Variants in PRKAR2B observed in about 807,000 individuals in gnomAD.
PRKAR2B encodes cAMP-dependent protein kinase type II-beta regulatory subunit.
Under a neutral mutation model 49.9 loss-of-function variants are expected in PRKAR2B, and 14 were observed. That is an observed-to-expected ratio of 0.28 (90% CI 0.19 to 0.44). The LOEUF is 0.44. Among genes scored for constraint, PRKAR2B ranks in the 20% least tolerant of loss-of-function variants. The probability of loss-of-function intolerance (pLI) is 1.00; values close to 1 mark genes in which losing one functional copy is unlikely to be tolerated. For synonymous variants in PRKAR2B, 196 were observed against 197.7 expected (o/e 0.99, Z 0.07); for missense variants, 393 against 537.9 (o/e 0.73, Z 2.67).
rs546204472 is a variant in PRKAR2B at position 107,059,612 on chromosome 7, A to G, written c.308-10669A>G. ...TATTTTAACATTACTTCTATGTAGT[A>G]TACCCTTGTATAAATATACACTTTA... is the stretch of plus-strand genomic sequence containing the variant. On this transcript the variant is annotated intron_variant, in intron 1 of 10. Transcript: ENST00000265717. Among the ~76,000 whole-genome samples, 39 of 152,270 alleles carry G rather than the reference A, an allele frequency of 2.6e-4. 2 individuals carry two copies. In the South Asian group the frequency reaches 5.2e-3, roughly 20 times the overall value.
chr7:107,068,681 T>G (rs182393987), intron 1 of PRKAR2B: 8 of 152,216 alleles, frequency 5.3e-5, no homozygotes, highest in Admixed American at 5.2e-4. Flanking sequence ...GATAATTGGG[T>G]TTATGAATTA....
At chr7:107,069,127 G>A (rs1794212661) in intron 1 of PRKAR2B, among the ~76,000 whole-genome samples, 2 of 152,056 alleles carry the variant, frequency 1.3e-5, no homozygotes, top group African/African-American at 4.8e-5. Context: ...GTAGAAATGG[G>A]GTTTCCTCAT....
chr7:107,045,988 T>G (rs1377328018), intron 1 of PRKAR2B, among the ~76,000 whole-genome samples: 1 of 152,196 alleles, frequency 6.6e-6, no homozygotes, highest in Non-Finnish European at 1.5e-5. Context: ...TCTGAAAGCT[T>G]GTTGGTTGTC....
chr7:107,150,277 A>C (rs1795959731), intron 6 of PRKAR2B, among the ~76,000 whole-genome samples: 1 of 152,156 alleles, frequency 6.6e-6, no homozygotes, highest in Non-Finnish European at 1.5e-5. Context: ...AAACAGGAAC[A>C]TTTTAGACTG....
At chr7:107,057,217 T>C (rs765224181) in intron 1 of PRKAR2B, among the ~76,000 whole-genome samples, 1 of 152,190 alleles carries the variant, frequency 6.6e-6, no homozygotes, top group Non-Finnish European at 1.5e-5. Context: ...CACAGACCTG[T>C]CTCTTTAAGA....
At chr7:107,090,268 G>A (rs746860491) in intron 2 of PRKAR2B, among the ~76,000 whole-genome samples, 28 of 152,082 alleles carry the variant, frequency 1.8e-4, no homozygotes, top group South Asian at 2.1e-4. Context: ...TCTCTCTTGC[G>A]GCCAGCTACT....
Position 107,121,947 on chromosome 7 carries a change from TA to T in PRKAR2B, c.344-4del, listed in dbSNP as rs1229970877. On this transcript the variant is annotated splice_region_variant and splice_polypyrimidine_tract_variant and intron_variant, in intron 2 of 10. Transcript: ENST00000265717. ...TCTTTAAGATGTTCATTTTTGTTTT[TA>T]TAGTATGTGCAGAAGCTTATAATCC... 1 of 1,574,748 alleles carries T rather than the reference TA, an allele frequency of 6.4e-7. No homozygotes were observed. The highest frequency in any genetic ancestry group is 8.7e-7 in the Non-Finnish European group (1 of 1,152,468).
At chr7:107,126,447 G>A (rs145753201) in intron 3 of PRKAR2B, among the ~76,000 whole-genome samples, 2 of 130,956 alleles carry the variant, frequency 1.5e-5, no homozygotes, top group African/African-American at 3.1e-5. Flanking sequence ...AAAAAAAGTC[G>A]TCATTGGTAC....
At chr7:107,109,018 C>T (rs780331606) in intron 2 of PRKAR2B, among the ~76,000 whole-genome samples, 3 of 152,156 alleles carry the variant, frequency 2.0e-5, no homozygotes, top group Non-Finnish European at 4.4e-5. Flanking sequence ...GGATTGCTGG[C>T]TAGCTATATT....
In PRKAR2B at chr7:107,076,585, T is replaced by G. The variant is rs569228705; in HGVS notation, c.343+6269T>G. Among the ~76,000 whole-genome samples, 304 of 152,296 alleles carry G rather than the reference T, an allele frequency of 2.0e-3. 2 individuals carry two copies. The highest frequency in any genetic ancestry group is 7.0e-3 in the African/African-American group (291 of 41,554). On this transcript the variant is annotated intron_variant, in intron 2 of 10. Transcript: ENST00000265717. Reference sequence around the variant, plus strand: ...GTCCATGAAATCTTTGCATTGACATTTACTATTGCTTTCAAGGACTACTTG... The same window carrying G: ...GTCCATGAAATCTTTGCATTGACATGTACTATTGCTTTCAAGGACTACTTG...
intron 2 of PRKAR2B, among the ~76,000 whole-genome samples, chr7:107,087,402 G>A (rs1794641919): frequency 6.6e-6 from 1 of 152,046 alleles, no homozygotes; most frequent in East Asian, 1.9e-4. Flanking sequence ...AATAGAACCT[G>A]GAATTCCAGT....
rs1383620637 is a variant in PRKAR2B, at chr7:107,070,335, T to C, written c.343+19T>C. On this transcript the variant is annotated intron_variant, in intron 2 of 10. Transcript: ENST00000265717. ...GCCTCAGGTAAGTCTGATTATATTA[T>C]GGATTTTGTTTATTAATGGTGACAT... 8 of 1,584,516 alleles carry C rather than the reference T, an allele frequency of 5.0e-6. No homozygotes were observed. The African/African-American group carries it at 8.1e-5, about 16-fold the overall frequency.
At chr7:107,091,875 A>G (rs1287220898) in intron 2 of PRKAR2B, 2 of 152,210 alleles carry the variant, frequency 1.3e-5, no homozygotes, top group Non-Finnish European at 2.9e-5. Context: ...TGAAACAGAA[A>G]CATAAATAAG....
chr7:107,057,083 G>A (rs998846949), intron 1 of PRKAR2B, among the ~76,000 whole-genome samples: 15 of 151,872 alleles, frequency 9.9e-5, no homozygotes, highest in African/African-American at 1.7e-4. Flanking sequence ...ATCTTTTTGC[G>A]TTTCCTCATC....
chr7:107,057,872 C>G (rs1365665802), intron 1 of PRKAR2B, among the ~76,000 whole-genome samples: 5 of 152,008 alleles, frequency 3.3e-5, no homozygotes, highest in African/African-American at 1.2e-4. Context: ...GAAATATAAG[C>G]TAGAGATTGC....
chr7:107,122,344 C>T (rs1352088043), intron 3 of PRKAR2B, among the ~76,000 whole-genome samples: 2 of 152,164 alleles, frequency 1.3e-5, no homozygotes, highest in Non-Finnish European at 2.9e-5. Context: ...TAATTTATAA[C>T]AACGGAAAGT....
chr7:107,115,170 A>G (rs778877246), intron 2 of PRKAR2B, among the ~76,000 whole-genome samples: 5 of 152,164 alleles, frequency 3.3e-5, no homozygotes, highest in Non-Finnish European at 1.5e-5. Context: ...TGGTTTGTGA[A>G]TGGCTAATTC....
At chr7:107,122,988 T>C (rs1795417167) in intron 3 of PRKAR2B, among the ~76,000 whole-genome samples, 2 of 152,194 alleles carry the variant, frequency 1.3e-5, no homozygotes, top group African/African-American at 2.4e-5. Flanking sequence ...GATTAAGGTA[T>C]TTTTACTAAT....
intron 2 of PRKAR2B, among the ~76,000 whole-genome samples, chr7:107,074,607 T>A (rs1794357032): frequency 6.6e-6 from 1 of 151,194 alleles, no homozygotes; most frequent in South Asian, 2.1e-4. Context: ...CACACCAGCC[T>A]GGCCAACATG....
Sources: allele counts gnomAD v4.1 joint callset (sites outside exome capture counted in the v4.1 genomes callset), GRCh38; gene constraint gnomAD v4.1.1; transcripts MANE v1.5; gene names NCBI Gene and HGNC (gene_info 2026-07-23, HGNC 2026-07-21).